Variants in SPTLC2 observed in about 807,000 individuals in gnomAD.
The protein encoded by SPTLC2 is serine palmitoyltransferase long chain base subunit 2, also known as serine palmitoyltransferase 2.
In SPTLC2, 21 loss-of-function variants were observed where a neutral mutation model predicts 62.0. The ratio of observed to expected loss-of-function variants is 0.34; its 90% CI spans 0.24 to 0.49. SPTLC2 has a LOEUF of 0.49. Ranked by LOEUF, SPTLC2 falls within the 20% of genes least tolerant of loss-of-function variation. The pLI is 0.99. For synonymous variants in SPTLC2, 261 were observed against 261.8 expected, an observed-to-expected ratio of 1.00 and a Z score of 0.03; for missense variants, 511 against 713.0, an observed-to-expected ratio of 0.72 and a Z score of 3.23.
chr14:77,527,613 G>A (rs72683250), intron 9 of SPTLC2, among the ~76,000 whole-genome samples: 31,967 of 151,998 alleles, frequency 0.21, 3,898 homozygotes, highest in East Asian at 0.3. Flanking sequence ...TCTCAGCCAT[G>A]CATGTAATCT....
At chr14:77,545,215 A>G (rs2079521419) in intron 9 of SPTLC2, among the ~76,000 whole-genome samples, 1 of 151,998 alleles carries the variant, frequency 6.6e-6, no homozygotes, top group Non-Finnish European at 1.5e-5. Flanking sequence ...AAAAAAATCA[A>G]TTCCTTTTTG....
chr14:77,545,898 A>G (rs986153996), intron 9 of SPTLC2, among the ~76,000 whole-genome samples: 2 of 152,208 alleles, frequency 1.3e-5, no homozygotes, highest in Non-Finnish European at 2.9e-5. Context: ...TAGCAGTGGA[A>G]TAAAAAATAG....
chr14:77,586,272 C>T (rs1274840952), intron 2 of SPTLC2, among the ~76,000 whole-genome samples: 2 of 152,060 alleles, frequency 1.3e-5, no homozygotes, highest in African/African-American at 2.4e-5. Context: ...GACGGGGTTT[C>T]ACCATGTTGA....
At chr14:77,533,000 A>T (rs968433684) in intron 9 of SPTLC2, among the ~76,000 whole-genome samples, 5 of 151,850 alleles carry the variant, frequency 3.3e-5, no homozygotes, top group African/African-American at 9.7e-5. Flanking sequence ...GTTTCAGATT[A>T]AAAAATTTAA....
At chr14:77,530,401 T>TCACTACAACCTC (rs1210073572) in intron 9 of SPTLC2, among the ~76,000 whole-genome samples, 2 of 152,118 alleles carry the variant, frequency 1.3e-5, no homozygotes, top group East Asian at 3.8e-4. Flanking sequence ...CGATCTCAGC[T>TCACTACAACCTC]CACTACAACC....
chr14:77,582,487 T>C (rs753953209), intron 2 of SPTLC2, among the ~76,000 whole-genome samples: 4 of 152,146 alleles, frequency 2.6e-5, no homozygotes, highest in African/African-American at 9.7e-5. Context: ...TTTTACTATA[T>C]AAAACAGAAA....
rs80023527 is a variant in SPTLC2 at position 77,598,258 on chromosome 14, G to C, written c.133-878C>G. 9.6e-3 allele frequency among the ~76,000 whole-genome samples: 1,456 copies of C among 152,166 alleles called. 20 individuals carry two copies. The highest frequency in any genetic ancestry group is 0.033 in the African/African-American group (1,388 of 41,522). ...ATGAACAGTAAAAGAAGGGGAGCAA[G>C]AAGGACTGCATAAGAACACCACCTA... On this transcript the variant is annotated intron_variant, in intron 1 of 11. Transcript: ENST00000216484.
chr14:77,584,360 A>T (rs143680728), intron 2 of SPTLC2, among the ~76,000 whole-genome samples: 91 of 152,354 alleles, frequency 6.0e-4, no homozygotes, highest in Non-Finnish European at 1.2e-3. Flanking sequence ...CATGATGATG[A>T]TAAAGATGAT....
intron 9 of SPTLC2, among the ~76,000 whole-genome samples, chr14:77,528,059 T>C (rs1245512223): frequency 6.6e-6 from 1 of 152,230 alleles, no homozygotes; most frequent in Non-Finnish European, 1.5e-5. Context: ...ACTCATATTA[T>C]ACTTCATTAC....
At chr14:77,526,583 A>G (rs1463251321) in intron 9 of SPTLC2, among the ~76,000 whole-genome samples, 2 of 152,102 alleles carry the variant, frequency 1.3e-5, no homozygotes, top group Admixed American at 1.3e-4. Flanking sequence ...TGTTAGAATA[A>G]AACTATTTTT....
intron 9 of SPTLC2, among the ~76,000 whole-genome samples, chr14:77,545,263 C>T (rs1289200762): frequency 2.9e-5 from 4 of 137,322 alleles, no homozygotes; most frequent in Non-Finnish European, 6.3e-5. Context: ...AGTAGGGTAT[C>T]GGGCACTTTT....
intron 4 of SPTLC2, among the ~76,000 whole-genome samples, chr14:77,571,038 C>T (rs12891514): frequency 0.22 from 34,141 of 152,046 alleles, 4,020 homozygotes; most frequent in Middle Eastern, 0.33. Flanking sequence ...AAGTGTCAAA[C>T]GTGAGTTAAG....
At chr14:77,563,686 G>A (rs555949127) in intron 5 of SPTLC2, among the ~76,000 whole-genome samples, 66 of 152,176 alleles carry the variant, frequency 4.3e-4, no homozygotes, top group African/African-American at 1.4e-3. Flanking sequence ...TCAGCGTCCC[G>A]AAGTGCCAAG....
rs145629888 is a variant in SPTLC2, at chr14:77,531,420, TTTCTTC to T, written c.1304-9845_1304-9840del. ...GTTATTTCTTCACAGGGACCATGAC[TTTCTTC>T]TTCTTCTTCTTCTTCTTCTCCTCCT... On this transcript the variant is annotated intron_variant, in intron 9 of 11. Coordinates refer to ENST00000216484, the MANE Select transcript of SPTLC2 (RefSeq NM_004863.4). Among the ~76,000 whole-genome samples the T allele has an allele frequency of 7.1e-4, 92 of 129,752 alleles. 1 individual carries two copies. The highest frequency in any genetic ancestry group is 2.7e-3 in the South Asian group (11 of 4,104). The allele number at this position is 129,752 out of a possible 152,430, so 85.1% of individuals were successfully genotyped here. A position where few individuals can be genotyped will look rare whatever the true frequency, so the allele number is the denominator to read the frequency against.
rs116073945 is a variant in SPTLC2, at chr14:77,597,919, T to C, written c.133-539A>G. On this transcript the variant is annotated intron_variant, in intron 1 of 11. Coordinates refer to ENST00000216484, the MANE Select transcript of SPTLC2 (RefSeq NM_004863.4). ...CGGACGAATCACCTGAGGTTGGGAGTTCAAGCCCAGCCTGATCACATGGAG... is the reference window on the plus strand; with the variant it reads ...CGGACGAATCACCTGAGGTTGGGAGCTCAAGCCCAGCCTGATCACATGGAG... 4.9e-3 allele frequency among the ~76,000 whole-genome samples: 727 copies of C among 149,138 alleles called. 9 individuals are homozygous for C. The highest frequency in any genetic ancestry group is 0.017 in the African/African-American group (694 of 40,388).
intron 6 of SPTLC2, among the ~76,000 whole-genome samples, chr14:77,559,341 G>C (rs1158147966): frequency 6.6e-6 from 1 of 151,806 alleles, no homozygotes; most frequent in Non-Finnish European, 1.5e-5. Context: ...AATACCTATA[G>C]CAGAATGCTT....
chr14:77,590,892 A>G (rs935281178), intron 2 of SPTLC2, among the ~76,000 whole-genome samples: 1 of 152,128 alleles, frequency 6.6e-6, no homozygotes. Flanking sequence ...TTTGAAGGAA[A>G]AGCTTTCCTG....
chr14:77,550,656 C>T (rs1343026291), intron 9 of SPTLC2, among the ~76,000 whole-genome samples: 7 of 146,344 alleles, frequency 4.8e-5, no homozygotes, highest in South Asian at 2.2e-4. Flanking sequence ...AATTCCAGCA[C>T]GTTGGAAGGC....
At chr14:77,565,005 T>C (rs989407431) in intron 5 of SPTLC2, among the ~76,000 whole-genome samples, 3 of 151,834 alleles carry the variant, frequency 2.0e-5, no homozygotes, top group African/African-American at 7.2e-5. Flanking sequence ...TTTGGGAGGC[T>C]GAGGTGGCTG....
Sources: gnomAD v4.1 joint callset for allele counts (sites outside exome capture counted in the v4.1 genomes callset) on GRCh38, gnomAD v4.1.1 for gene constraint, MANE v1.5 for transcripts, NCBI Gene and HGNC (gene_info 2026-07-23, HGNC 2026-07-21) for gene names.